Variants in SENP1 observed in about 807,000 individuals in gnomAD.
SENP1 encodes the protein sentrin-specific protease 1.
In SENP1, 21 loss-of-function variants were observed where a neutral mutation model predicts 93.0. The ratio of observed to expected loss-of-function variants is 0.23; its 90% CI spans 0.16 to 0.33. The LOEUF (loss-of-function observed/expected upper bound fraction) is 0.33. Among genes scored for constraint, SENP1 ranks in the 10% least tolerant of loss-of-function variants. The pLI is 1.00. For synonymous variants in SENP1, 256 were observed against 259.6 expected (o/e 0.99, Z 0.13); for missense variants, 591 against 758.7 (o/e 0.78, Z 2.60).
chr12:48,084,978 C>G (rs1043628762), intron 5 of SENP1: 2 of 664,622 alleles, frequency 3.0e-6, no homozygotes, highest in African/African-American at 3.6e-5. Flanking sequence ...CTCTTTAAGT[C>G]TTCTTGGGTT....
chr12:48,079,423 C>G (rs572791729), intron 6 of SENP1, among the ~76,000 whole-genome samples: 1 of 151,966 alleles, frequency 6.6e-6, no homozygotes, highest in African/African-American at 2.4e-5. Context: ...TGCTTGAACC[C>G]GGGAGACGGA....
At chr12:48,048,274 TG>T (rs1941525435) in intron 14 of SENP1, among the ~76,000 whole-genome samples, 194 bp from the exon 15 acceptor site, 1 of 152,242 alleles carries the variant, frequency 6.6e-6, no homozygotes, top group Admixed American at 6.5e-5. Context: ...AAAACTATGA[TG>T]GCACTCATCA....
Position 48,093,719 on chromosome 12 carries a change from T to TAAA in SENP1, c.220+2621_220+2623dup, listed in dbSNP as rs60808565. Among the ~76,000 whole-genome samples the TAAA allele has an allele frequency of 4.3e-3, 589 of 135,824 alleles. 5 individuals carry two copies. The highest frequency in any genetic ancestry group is 0.014 in the African/African-American group (529 of 37,642). The allele number at this position is 135,824 out of a possible 152,430, so 89.1% of individuals were successfully genotyped here. On this transcript the variant is annotated intron_variant, in intron 4 of 17. Coordinates refer to ENST00000549518, the MANE Select transcript of SENP1 (RefSeq NM_001267594.2). ...TGAATTAGAAATGAGCAGAAAATGATAAAAAAAAAAAAAAAAGAACATGTT... is the reference window on the plus strand; with the variant it reads ...TGAATTAGAAATGAGCAGAAAATGATAAAAAAAAAAAAAAAAAAAGAACATGTT...
intron 10 of SENP1, among the ~76,000 whole-genome samples, chr12:48,066,383 A>G (rs1476629017): frequency 6.6e-6 from 1 of 152,238 alleles, no homozygotes; most frequent in Non-Finnish European, 1.5e-5. Context: ...ATTATATAAT[A>G]GCTAACTCTA....
At chr12:48,067,550 C>G (rs1036803126) in intron 9 of SENP1, among the ~76,000 whole-genome samples, 7 of 152,166 alleles carry the variant, frequency 4.6e-5, no homozygotes, top group African/African-American at 1.7e-4. Flanking sequence ...TCTCAAACTT[C>G]CTTATCTCCA....
intron 1 of SENP1, among the ~76,000 whole-genome samples, chr12:48,102,054 C>T (rs1010932270): frequency 2.0e-5 from 3 of 152,186 alleles, no homozygotes; most frequent in East Asian, 3.8e-4. Flanking sequence ...CTGCTACAAA[C>T]CAAAGCCCCT....
intron 4 of SENP1, among the ~76,000 whole-genome samples, chr12:48,091,475 G>C (rs1945223359): frequency 6.6e-6 from 1 of 151,816 alleles, no homozygotes; most frequent in Non-Finnish European, 1.5e-5. Flanking sequence ...GAATGTGTCA[G>C]CTAACTACTT....
intron 10 of SENP1, among the ~76,000 whole-genome samples, chr12:48,066,495 A>G (rs1208996344): frequency 6.6e-6 from 1 of 152,142 alleles, no homozygotes; most frequent in African/African-American, 2.4e-5. Flanking sequence ...CAACAACTTA[A>G]AAGTATAAAC....
chr12:48,059,238 T>G (rs1942795237), intron 13 of SENP1, among the ~76,000 whole-genome samples: 1 of 152,192 alleles, frequency 6.6e-6, no homozygotes, highest in East Asian at 1.9e-4. Flanking sequence ...TCCAATTATA[T>G]GCTTAACCTG....
chr12:48,071,549 G>A, intron 9 of SENP1, 118 bp downstream of exon 9: 1 of 626,512 alleles, frequency 1.6e-6, no homozygotes, highest in South Asian at 2.1e-5. Context: ...CAGGGAGGTG[G>A]AGGTTGCAGT....
At chr12:48,093,926 C>A (rs2137252440) in intron 4 of SENP1, among the ~76,000 whole-genome samples, 2 of 152,162 alleles carry the variant, frequency 1.3e-5, no homozygotes, top group South Asian at 4.2e-4. Flanking sequence ...TGTGCCACTG[C>A]ACTCCAGCCT....
intron 1 of SENP1, chr12:48,105,206 C>A: frequency 2.9e-6 from 1 of 340,718 alleles, no homozygotes; most frequent in South Asian, 2.3e-5. Flanking sequence ...AATAAGTGTA[C>A]CAAATATGAA....
rs1032253433 is a variant in SENP1 at position 48,044,228 on chromosome 12, C to A, written c.*1094G>T. ...AATATTCCATTAGGTAGTCCACAAACACCCTACTCATAGGGGCTGGGATCT... is the reference window on the plus strand; with the variant it reads ...AATATTCCATTAGGTAGTCCACAAAAACCCTACTCATAGGGGCTGGGATCT... On this transcript the variant is annotated 3_prime_UTR_variant, in exon 18 of 18. Transcript: ENST00000549518. The A allele has an allele frequency of 6.6e-6, 1 of 151,300 alleles. No individual in the cohort carries two copies. The highest frequency in any genetic ancestry group is 1.5e-5 in the Non-Finnish European group (1 of 67,772). 9.4% of individuals were successfully genotyped at this position (151,300 alleles called of 1,614,324 possible).
At chr12:48,084,690 C>T (rs370866670) in intron 5 of SENP1, among the ~76,000 whole-genome samples, 16 of 152,036 alleles carry the variant, frequency 1.1e-4, no homozygotes, top group East Asian at 9.6e-4. Context: ...TCAGGTAATC[C>T]GCCGGCCTCA....
rs761572684 is a variant in SENP1, at chr12:48,063,854, AAGGT to A, written c.1276-17_1276-14del. ...CTTTCTCCATTTCCTAAGAAAACAA[AAGGT>A]GTCAAGACATCAAACACGCGTGGCT... On this transcript the variant is annotated splice_polypyrimidine_tract_variant and intron_variant, in intron 12 of 17. Transcript: ENST00000549518. 1 of 1,604,006 alleles carries A rather than the reference AAGGT, an allele frequency of 6.2e-7. No individual in the cohort carries two copies. Among genetic ancestry groups the A allele is most frequent in the South Asian group, 1.1e-5 (1 of 90,492 alleles).
At chr12:48,049,401 C>T (rs1300894393) in intron 13 of SENP1, among the ~76,000 whole-genome samples, 2 of 152,070 alleles carry the variant, frequency 1.3e-5, no homozygotes, top group Non-Finnish European at 2.9e-5. Flanking sequence ...TTGTAGAAGA[C>T]TGAAGGTTAG....
chr12:48,070,593 G>A (rs1282921077), intron 9 of SENP1, among the ~76,000 whole-genome samples: 1 of 152,120 alleles, frequency 6.6e-6, no homozygotes, highest in African/African-American at 2.4e-5. Context: ...CACACAGTAG[G>A]CTCTCAGTAA....
intron 5 of SENP1, among the ~76,000 whole-genome samples, chr12:48,087,734 TATTGACAC>T (rs1944977987): frequency 6.6e-6 from 1 of 152,102 alleles, no homozygotes. Context: ...TCCCAGGGAG[TATTGACAC>T]ATTCCTGGAG....
chr12:48,093,933 G>T (rs1299500653), intron 4 of SENP1, among the ~76,000 whole-genome samples: 3 of 152,006 alleles, frequency 2.0e-5, no homozygotes, highest in African/African-American at 7.2e-5. Flanking sequence ...CTGCACTCCA[G>T]CCTGGGCAAC....
Sources: gnomAD v4.1 joint callset for allele counts (sites outside exome capture counted in the v4.1 genomes callset) on GRCh38, gnomAD v4.1.1 for gene constraint, MANE v1.5 for transcripts, NCBI Gene and HGNC (gene_info 2026-07-23, HGNC 2026-07-21) for gene names.